DPP6: variants seen among roughly 807,000 people sequenced by gnomAD.
DPP6 encodes the protein A-type potassium channel modulatory protein DPP6.
A neutral mutation model predicts 122.6 loss-of-function variants in DPP6; 69 were observed. That is an observed-to-expected ratio of 0.56 (90% CI 0.46 to 0.69). The LOEUF (loss-of-function observed/expected upper bound fraction) is 0.69, where lower values mean the gene tolerates loss of function less well. Among genes scored for constraint, DPP6 ranks in the 30% least tolerant of loss-of-function variants. The probability of loss-of-function intolerance (pLI) is 0.00; values close to 1 mark genes in which losing one functional copy is unlikely to be tolerated. For missense variants in DPP6, 928 were observed against 1,116.9 expected (o/e 0.83, Z 2.41); for synonymous variants, 418 against 433.1 (o/e 0.97, Z 0.43).
intron 1 of DPP6, among the ~76,000 whole-genome samples, chr7:153,930,431 A>C (rs1004141144): frequency 2.0e-5 from 3 of 152,150 alleles, no homozygotes; most frequent in African/African-American, 4.8e-5. Flanking sequence ...TCTCAGCAGG[A>C]TATGGCTCCT....
intron 1 of DPP6, among the ~76,000 whole-genome samples, chr7:153,917,313 G>T (rs1472311180): frequency 6.6e-6 from 1 of 152,208 alleles, no homozygotes; most frequent in South Asian, 2.1e-4. Context: ...GCAGAGGCCT[G>T]CTTGGAGAAC....
intron 1 of DPP6, among the ~76,000 whole-genome samples, chr7:154,396,116 C>T (rs1489121204): frequency 6.6e-6 from 1 of 152,058 alleles, no homozygotes; most frequent in Non-Finnish European, 1.5e-5. Context: ...TCCAGTCACT[C>T]AAATAATGGC....
At chr7:154,147,638 C>T (rs1796173715) in intron 1 of DPP6, among the ~76,000 whole-genome samples, 2 of 140,886 alleles carry the variant, frequency 1.4e-5, no homozygotes, top group South Asian at 5.0e-4. Flanking sequence ...CACCACTATA[C>T]CCAGCTAATT....
intron 5 of DPP6, among the ~76,000 whole-genome samples, chr7:154,589,132 T>C (rs1181851846): frequency 6.6e-6 from 1 of 152,230 alleles, no homozygotes; most frequent in Non-Finnish European, 1.5e-5. Context: ...TGAGGCATAC[T>C]AATTCAATAC....
chr7:154,060,550 A>T (rs1162430944), intron 1 of DPP6, among the ~76,000 whole-genome samples: 1 of 131,060 alleles, frequency 7.6e-6, no homozygotes, highest in Non-Finnish European at 1.6e-5. Context: ...TAGAAAGTTC[A>T]AATCTTCCGA....
intron 1 of DPP6, among the ~76,000 whole-genome samples, chr7:153,949,174 G>T (rs1441808260): frequency 6.6e-6 from 1 of 152,200 alleles, no homozygotes; most frequent in Non-Finnish European, 1.5e-5. Flanking sequence ...GTTGCCTGGT[G>T]TTGCCCACAC....
chr7:154,623,479 A>G (rs2130862740), intron 5 of DPP6, among the ~76,000 whole-genome samples: 1 of 152,350 alleles, frequency 6.6e-6, no homozygotes, highest in South Asian at 2.1e-4. Context: ...GATACTTCAA[A>G]TAATAAAAAT....
chr7:154,808,992 C>T (rs1798864811), intron 16 of DPP6, among the ~76,000 whole-genome samples: 1 of 152,192 alleles, frequency 6.6e-6, no homozygotes, highest in Non-Finnish European at 1.5e-5. Context: ...GGGGCTTGGT[C>T]TGGCCTAGGC....
rs45460192 is a variant in DPP6, at chr7:154,669,069, T to G, written c.681-291T>G. 0.11 allele frequency among the ~76,000 whole-genome samples: 17,270 copies of G among 152,202 alleles called. 1,042 individuals are homozygous for G. Among genetic ancestry groups the G allele is most frequent in the African/African-American group, 0.14 (5,808 of 41,522 alleles). On this transcript the variant is annotated intron_variant, in intron 6 of 25. Coordinates refer to ENST00000377770, the MANE Select transcript of DPP6 (RefSeq NM_130797.4). ...TTTTAACTTTGACTGTTCTGGAGAT[T>G]TAAGAAGTTGATCCAAAGACCTCAC...
chr7:154,662,031 A>G (rs1467638505), intron 6 of DPP6, among the ~76,000 whole-genome samples: 8 of 118,572 alleles, frequency 6.7e-5, no homozygotes, highest in Middle Eastern at 8.1e-3. Flanking sequence ...CATATTGGCC[A>G]TAGTGTTCAT....
chr7:153,822,733 A>G, the DPP6 span, among the ~76,000 whole-genome samples: 6 of 152,328 alleles, frequency 3.9e-5, no homozygotes, highest in African/African-American at 1.4e-4. Flanking sequence ...ATATTATTCA[A>G]TTGTTTACAT....
At chr7:154,443,126 A>C (rs867957223) in intron 1 of DPP6, among the ~76,000 whole-genome samples, 75 of 152,020 alleles carry the variant, frequency 4.9e-4, no homozygotes, top group African/African-American at 1.7e-3. Flanking sequence ...ACTGAAGCCT[A>C]TGCTGTCTCA....
the DPP6 span, among the ~76,000 whole-genome samples, chr7:153,803,225 G>A: frequency 3.1e-4 from 46 of 148,314 alleles, no homozygotes; most frequent in African/African-American, 1.1e-3. Context: ...CCTGGCATAT[G>A]CAAACAGTGA....
intron 7 of DPP6, among the ~76,000 whole-genome samples, chr7:154,680,223 G>T (rs182565504): frequency 1.7e-4 from 26 of 152,294 alleles, no homozygotes; most frequent in African/African-American, 6.0e-4. Context: ...TTAACTCTGT[G>T]TAAATGGAGG....
At position 154,129,886 on chromosome 7, in the gene DPP6, C is replaced by T. The variant is rs185198069; in HGVS notation, c.243+76823C>T. On this transcript the variant is annotated intron_variant, in intron 1 of 25. Coordinates refer to ENST00000377770, the MANE Select transcript of DPP6 (RefSeq NM_130797.4). The stretch of plus-strand genomic sequence containing the variant: ...CTGCACTCCAGCCTGGGTGACAGAG[C>T]GAGACTCTGTCTCAAAAAAAAAAAA... Among the ~76,000 whole-genome samples the T allele has an allele frequency of 6.0e-3, 887 of 148,232 alleles. 13 individuals carry two copies. Among genetic ancestry groups the T allele is most frequent in the African/African-American group, 0.021 (857 of 40,006 alleles).
At chr7:154,250,462 C>G (rs1802283696) in intron 1 of DPP6, among the ~76,000 whole-genome samples, 1 of 151,874 alleles carries the variant, frequency 6.6e-6, no homozygotes, top group South Asian at 2.1e-4. Context: ...GAGTTTATCT[C>G]AGAAGTCTTT....
In DPP6 at chr7:154,507,605, G is replaced by A. The variant is rs1586487475; in HGVS notation, c.457+32568G>A. ...AATTAGCAGGACATTCCAAACCAGG[G>A]CTTTGATGTGAACATAAGTCAGTTA... On this transcript the variant is annotated intron_variant, in intron 3 of 25. Coordinates refer to ENST00000377770, the MANE Select transcript of DPP6 (RefSeq NM_130797.4). Among the ~76,000 whole-genome samples, 2 of 152,284 alleles carry A rather than the reference G, an allele frequency of 1.3e-5. 1 individual carries two copies. Among genetic ancestry groups the A allele is most frequent in the South Asian group, 4.1e-4 (2 of 4,824 alleles).
At chr7:154,577,985 C>T (rs2130642967) in intron 5 of DPP6, among the ~76,000 whole-genome samples, 1 of 152,252 alleles carries the variant, frequency 6.6e-6, no homozygotes, top group East Asian at 1.9e-4. Context: ...TTGTGTGTTA[C>T]GACCAATTCC....
rs896756604 is a variant in DPP6, at chr7:153,934,916, AGTGCCAG to A, written c.51+47183_51+47189del. Among the ~76,000 whole-genome samples, 4 of 151,818 alleles carry A rather than the reference AGTGCCAG, an allele frequency of 2.6e-5. No homozygotes were observed. The Admixed American group carries it at 2.7e-4, about 10-fold the overall frequency. On this transcript the variant is annotated intron_variant, in intron 1 of 25. Coordinates refer to the DPP6 transcript ENST00000404039. ...ACTGCCAGTACCAGGGAGGAGGCTC[AGTGCCAG>A]CACGTTTGGATGGAAATGAAAACAA...
Sources: allele counts gnomAD v4.1 joint callset (sites outside exome capture counted in the v4.1 genomes callset), GRCh38; gene constraint gnomAD v4.1.1; transcripts MANE v1.5; gene names NCBI Gene and HGNC (gene_info 2026-07-23, HGNC 2026-07-21).